Variants in ZNHIT1 observed in about 807,000 individuals in gnomAD.
The protein encoded by ZNHIT1 is zinc finger HIT-type containing 1, also known as zinc finger HIT domain-containing protein 1.
A neutral mutation model predicts 21.4 loss-of-function variants in ZNHIT1; 20 were observed. That is an observed-to-expected ratio of 0.93 (90% confidence interval 0.66 to 1.36). ZNHIT1 has a LOEUF of 1.36. ZNHIT1 is among the 40% of genes most tolerant of loss of function. The pLI is 0.00. For synonymous variants in ZNHIT1, 79 were observed against 84.0 expected (o/e 0.94, Z 0.32); for missense variants, 170 against 213.5 (o/e 0.80, Z 1.27).
chr7:101,222,429 G>C, intron 1 of ZNHIT1, 175 bp from the exon 2 acceptor site: 1 of 518,500 alleles, frequency 1.9e-6, no homozygotes, highest in Non-Finnish European at 3.0e-6. Context: ...GGGACAGGAA[G>C]TGTGGGCCCA....
chr7:101,218,944 A>AGT (rs1798328609), intron 1 of ZNHIT1: 1 of 152,568 alleles, frequency 6.6e-6, no homozygotes, highest in Admixed American at 6.5e-5. Flanking sequence ...GTGCAAAGGC[A>AGT]GTGAAGCAAG....
chr7:101,222,837 A>G (rs1050278602), intron 2 of ZNHIT1, 63 bp downstream of exon 2: 1 of 1,560,384 alleles, frequency 6.4e-7, no homozygotes, highest in African/African-American at 1.4e-5. Context: ...AGTCCGCCCA[A>G]CTCAGGCTGT....
At chr7:101,222,801 G>C (rs571401683) in intron 2 of ZNHIT1, 27 bp downstream of exon 2, 8 of 1,608,110 alleles carry the variant, frequency 5.0e-6, no homozygotes, top group Non-Finnish European at 6.8e-6. Context: ...AGGAAGCGGG[G>C]GATGGGACTG....
chr7:101,223,620 T>C, intron 3 of ZNHIT1, 53 bp from the exon 4 acceptor site: 17 of 1,613,438 alleles, frequency 1.1e-5, no homozygotes, highest in Non-Finnish European at 1.4e-5. Flanking sequence ...CGGGCAGGTG[T>C]TCGCTGCGTG....
intron 1 of ZNHIT1, chr7:101,220,292 G>C (rs576778432): frequency 3.3e-5 from 5 of 151,664 alleles, no homozygotes; most frequent in African/African-American, 1.2e-4. Context: ...GCTAATTTTT[G>C]TATTTTTTTT....
At position 101,218,227 on chromosome 7, in the gene ZNHIT1, C is replaced by T; in HGVS notation, c.22+10C>T. 4 of 1,611,992 alleles carry T rather than the reference C, an allele frequency of 2.5e-6. No individual in the cohort carries two copies. The highest frequency in any genetic ancestry group is 2.2e-5 in the East Asian group (1 of 44,830). ...GAGAAGAAAACTTCGGGTATGTGAG[C>T]CCCCGCGGTTCGCCCCCTTCCCCTT... is the stretch of plus-strand genomic sequence containing the variant. On this transcript the variant is annotated intron_variant, in intron 1 of 4. Transcript: ENST00000305105.
In ZNHIT1 at chr7:101,223,460, T is replaced by C. The variant is rs1798404377; in HGVS notation, c.194-17T>C. ...TTCTGGGCAAGTGCCAAGCAACGGA[T>C]CACCCTTGACCCCTAGGAAAGAAAA... is the stretch of plus-strand genomic sequence containing the variant. On this transcript the variant is annotated splice_polypyrimidine_tract_variant and intron_variant, in intron 2 of 4. Transcript: ENST00000305105. 1 of 1,613,714 alleles carries C rather than the reference T, an allele frequency of 6.2e-7. No individual in the cohort carries two copies. Among genetic ancestry groups the C allele is most frequent in the South Asian group, 1.1e-5 (1 of 91,072 alleles).
chr7:101,223,594 A>C, intron 3 of ZNHIT1, 38 bp downstream of exon 3: 1 of 1,614,016 alleles, frequency 6.2e-7, no homozygotes, highest in Non-Finnish European at 8.5e-7. Flanking sequence ...CCCACAGGGA[A>C]GGGGTGAGCC....
intron 1 of ZNHIT1, 97 bp from the exon 2 acceptor site, chr7:101,222,507 G>T: frequency 7.0e-7 from 1 of 1,422,026 alleles, no homozygotes; most frequent in African/African-American, 1.4e-5. Flanking sequence ...GAGAGCTGCA[G>T]CTTCCACCCC....
At chr7:101,221,258 A>G (rs2116821072) in intron 1 of ZNHIT1, 1 of 134,564 alleles carries the variant, frequency 7.4e-6, no homozygotes, top group African/African-American at 2.8e-5. Context: ...TTGCTTTGTC[A>G]CTCAGGCTGG....
intron 1 of ZNHIT1, chr7:101,221,878 G>C (rs1798376407): frequency 2.6e-5 from 4 of 152,266 alleles, no homozygotes; most frequent in Admixed American, 2.6e-4. Flanking sequence ...CTGGGGCCCA[G>C]AGCGTGGGTG....
intron 1 of ZNHIT1, chr7:101,222,372 G>A: frequency 1.9e-6 from 1 of 513,846 alleles, no homozygotes; most frequent in South Asian, 3.2e-5. Context: ...GGATTGAGAG[G>A]AAGGCGGAGA....
chr7:101,223,894 C>G, intron 4 of ZNHIT1, 43 bp from the exon 5 acceptor site: 2 of 1,614,130 alleles, frequency 1.2e-6, no homozygotes, highest in Non-Finnish European at 1.7e-6. Context: ...CACAGCCTCC[C>G]CAGACCTCTC....
At chr7:101,221,789 C>T (rs775929632) in intron 1 of ZNHIT1, 1 of 152,120 alleles carries the variant, frequency 6.6e-6, no homozygotes, top group Non-Finnish European at 1.5e-5. Flanking sequence ...TCTTTCTACT[C>T]GATGAAGGTA....
intron 1 of ZNHIT1, chr7:101,219,370 A>C (rs1462058402): frequency 1.3e-5 from 2 of 152,026 alleles, no homozygotes; most frequent in Non-Finnish European, 2.9e-5. Context: ...CGGCCTTCCA[A>C]AATGCTAGGA....
intron 2 of ZNHIT1, 61 bp from the exon 3 acceptor site, chr7:101,223,416 C>T: frequency 6.3e-7 from 1 of 1,581,028 alleles, no homozygotes; most frequent in Non-Finnish European, 8.7e-7. Flanking sequence ...GAGTGATGAA[C>T]CAGAGAAAGC....
chr7:101,222,571 G>T, intron 1 of ZNHIT1, 33 bp from the exon 2 acceptor site: 1 of 1,585,676 alleles, frequency 6.3e-7, no homozygotes, highest in Non-Finnish European at 8.6e-7. Context: ...TTTCTTGGAA[G>T]CCCTGTAACT....
Position 101,218,260 on chromosome 7 carries a change from C to T in ZNHIT1, c.22+43C>T, listed in dbSNP as rs1336822237. The T allele has an allele frequency of 3.1e-6, 5 of 1,599,512 alleles. No individual in the cohort carries two copies. In the African/African-American group the frequency reaches 4.1e-5, roughly 13 times the overall value. ...GTTCGCCCCCTTCCCCTTCCCAAGT[C>T]AGTCCTAGAATTTTCTTACCTAGTC... On this transcript the variant is annotated intron_variant, in intron 1 of 4. Coordinates refer to ENST00000305105, the MANE Select transcript of ZNHIT1 (RefSeq NM_006349.3).
intron 1 of ZNHIT1, chr7:101,220,112 GTTTTTT>G (rs10615658): frequency 1.9e-5 from 2 of 105,224 alleles, no homozygotes; most frequent in Non-Finnish European, 3.8e-5. Context: ...TTGGTTTTGG[GTTTTTT>G]TTTTTTTTTT....
Sources: allele counts gnomAD v4.1 joint callset, GRCh38; gene constraint gnomAD v4.1.1; transcripts MANE v1.5; gene names NCBI Gene and HGNC (gene_info 2026-07-23, HGNC 2026-07-21).